The following MCTP2 variants were observed in gnomAD, a reference collection of about 807,000 sequenced individuals.
The protein encoded by MCTP2 is multiple C2 and transmembrane domain-containing protein 2.
MCTP2 carries 132 observed loss-of-function variants against 111.6 expected under a neutral mutation model. That is an observed-to-expected ratio of 1.18 (90% CI 1.03 to 1.37). The LOEUF (loss-of-function observed/expected upper bound fraction) is 1.37, where lower values mean the gene tolerates loss of function less well. Ranked by LOEUF, MCTP2 falls within the 40% of genes most tolerant of loss-of-function variation. The pLI, the probability that MCTP2 is intolerant of heterozygous loss-of-function variation, is 0.00. For synonymous variants in MCTP2, 395 were observed against 387.7 expected, an observed-to-expected ratio of 1.02 and a Z score of -0.22; for missense variants, 1,183 against 1,067.9, an observed-to-expected ratio of 1.11 and a Z score of -1.50.
At chr15:94,257,352 C>T (rs776159265) in intron 1 of MCTP2, among the ~76,000 whole-genome samples, 1 of 151,936 alleles carries the variant, frequency 6.6e-6, no homozygotes, top group Non-Finnish European at 1.5e-5. Flanking sequence ...GAAGCCAAGT[C>T]AGGCTTTGAA....
In MCTP2 at chr15:94,479,270, CTG is replaced by C; in HGVS notation, c.*239_*240del. 1 of 540,538 alleles carries C rather than the reference CTG, an allele frequency of 1.9e-6. No homozygotes were observed. The highest frequency in any genetic ancestry group is 3.3e-6 in the Non-Finnish European group (1 of 300,604). The allele number at this position is 540,538 out of a possible 1,614,324, so 33.5% of individuals were successfully genotyped here. On this transcript the variant is annotated 3_prime_UTR_variant, in exon 23 of 23. Coordinates refer to ENST00000357742, the MANE Select transcript of MCTP2 (RefSeq NM_001385001.1). ...CCAGCGAAAAGCAACAACCCCAAGA[CTG>C]TGAAAGACTAACATCCATTCTGAAA...
chr15:94,278,828 G>A (rs114621035), intron 1 of MCTP2, among the ~76,000 whole-genome samples: 1,583 of 152,188 alleles, frequency 0.01, 23 homozygotes, highest in African/African-American at 0.036. Flanking sequence ...CGTAGTATTT[G>A]GTTTCCTGTT....
intron 17 of MCTP2, among the ~76,000 whole-genome samples, chr15:94,426,444 T>G (rs1425674008): frequency 1.3e-5 from 2 of 152,130 alleles, no homozygotes; most frequent in African/African-American, 4.8e-5. Flanking sequence ...AATTATTAAT[T>G]TAATTCCCTA....
chr15:94,379,121 C>T (rs1411554009), intron 12 of MCTP2, among the ~76,000 whole-genome samples: 3 of 150,786 alleles, frequency 2.0e-5, no homozygotes, highest in Admixed American at 6.6e-5. Flanking sequence ...ATTGGAAGGG[C>T]ACAGAGGGAC....
At chr15:94,353,212 T>C (rs185292643) in intron 8 of MCTP2, among the ~76,000 whole-genome samples, 1 of 152,176 alleles carries the variant, frequency 6.6e-6, no homozygotes, top group Non-Finnish European at 1.5e-5. Context: ...AAAGCTTTGA[T>C]GGAAAGTGGA....
At chr15:94,264,622 A>C (rs2073405932) in intron 1 of MCTP2, among the ~76,000 whole-genome samples, 1 of 151,748 alleles carries the variant, frequency 6.6e-6, no homozygotes. Flanking sequence ...AAAAAGAAAA[A>C]AAAATTGTCT....
At chr15:94,314,795 T>C in intron 3 of MCTP2, 1 of 455,334 alleles carries the variant, frequency 2.2e-6, no homozygotes, top group Non-Finnish European at 4.4e-6. Context: ...AAAAACAGAC[T>C]TGAATTCTAC....
chr15:94,316,440 C>T (rs2076382129), intron 4 of MCTP2, among the ~76,000 whole-genome samples: 1 of 152,146 alleles, frequency 6.6e-6, no homozygotes, highest in African/African-American at 2.4e-5. Context: ...ACTACCTGGG[C>T]CCGGATCTTG....
intron 1 of MCTP2, among the ~76,000 whole-genome samples, chr15:94,296,197 A>G (rs980979495): frequency 2.0e-5 from 3 of 152,220 alleles, no homozygotes; most frequent in Non-Finnish European, 2.9e-5. Flanking sequence ...AAATATTGCT[A>G]TATGAAAATA....
intron 17 of MCTP2, among the ~76,000 whole-genome samples, chr15:94,438,780 C>T (rs1255426123): frequency 6.6e-6 from 1 of 152,046 alleles, no homozygotes. Flanking sequence ...TAATGATCAC[C>T]TATATGTAAA....
At chr15:94,329,441 A>G (rs2077036679) in intron 4 of MCTP2, among the ~76,000 whole-genome samples, 1 of 152,232 alleles carries the variant, frequency 6.6e-6, no homozygotes, top group South Asian at 2.1e-4. Flanking sequence ...CAGGCTGTAC[A>G]GGAAGCATGA....
In MCTP2 at chr15:94,339,351, C is replaced by T. The variant is rs2077519669; in HGVS notation, c.699C>T (p.Val233=). The change falls in exon 5 of 23, where the codon GTC becomes GTT. Residue 233 remains valine, a synonymous_variant. Coordinates refer to ENST00000357742, the MANE Select transcript of MCTP2 (RefSeq NM_001385001.1). ...LNGKTLYKSK[V]IYKNLNPVWD... is the part of the protein sequence containing the mutation. ...GGAAGACGCTGTACAAAAGTAAAGT[C>T]ATATATAAGAACTTGAACCCAGTAT... The T allele has an allele frequency of 2.5e-6, 4 of 1,611,490 alleles. No homozygotes were observed. The highest frequency in any genetic ancestry group is 2.5e-6 in the Non-Finnish European group (3 of 1,178,256).
chr15:94,356,336 C>A, intron 9 of MCTP2, 35 bp downstream of exon 9: 3 of 1,462,858 alleles, frequency 2.1e-6, no homozygotes, highest in Non-Finnish European at 2.7e-6. Flanking sequence ...AGAACAGTAT[C>A]TTTAAAATAA....
intron 11 of MCTP2, among the ~76,000 whole-genome samples, chr15:94,368,672 C>T (rs914469491): frequency 9.9e-5 from 15 of 152,168 alleles, no homozygotes; most frequent in African/African-American, 3.4e-4. Flanking sequence ...GCATGTGAGG[C>T]TGGCATACTG....
At chr15:94,367,089 G>A (rs149977546) in intron 10 of MCTP2, among the ~76,000 whole-genome samples, 1 of 152,150 alleles carries the variant, frequency 6.6e-6, no homozygotes, top group Non-Finnish European at 1.5e-5. Context: ...ACACCTTAAC[G>A]TGTTTTTTAA....
Position 94,467,704 on chromosome 15 carries a change from C to T in MCTP2, c.2361-2629C>T, listed in dbSNP as rs114921996. ...CTGGAGAAGACATTTATGTACTGCC[C>T]CTGTGCCCTTGGGCAAGGAAAGCTG... On this transcript the variant is annotated intron_variant, in intron 20 of 22. Coordinates refer to ENST00000357742, the MANE Select transcript of MCTP2 (RefSeq NM_001385001.1). Among the ~76,000 whole-genome samples the T allele has an allele frequency of 7.4e-3, 1,130 of 152,242 alleles. 19 individuals are homozygous for T. The highest frequency in any genetic ancestry group is 0.025 in the African/African-American group (1,018 of 41,536).
intron 1 of MCTP2, among the ~76,000 whole-genome samples, chr15:94,296,331 AG>A (rs772443738): frequency 4.6e-5 from 7 of 152,272 alleles, no homozygotes; most frequent in Non-Finnish European, 1.0e-4. Flanking sequence ...CTGCAAAAAA[AG>A]TTGTAAACTA....
intron 8 of MCTP2, among the ~76,000 whole-genome samples, chr15:94,350,893 T>A (rs1400054285): frequency 6.6e-6 from 1 of 152,100 alleles, no homozygotes; most frequent in Non-Finnish European, 1.5e-5. Flanking sequence ...TTTTTTTTTT[T>A]AAATAGTAGG....
intron 10 of MCTP2, 39 bp from the exon 11 acceptor site, chr15:94,367,566 A>C (rs750109034): frequency 5.2e-6 from 8 of 1,545,114 alleles, no homozygotes; most frequent in Admixed American, 3.7e-5. Flanking sequence ...GCCTTGAATT[A>C]ATCACTTTTC....
Sources: gnomAD v4.1 joint callset for allele counts (sites outside exome capture counted in the v4.1 genomes callset) on GRCh38, gnomAD v4.1.1 for gene constraint, MANE v1.5 for transcripts, NCBI Gene and HGNC (gene_info 2026-07-23, HGNC 2026-07-21) for gene names.